The following ARHGAP28 variants were observed in gnomAD, a reference collection of about 807,000 sequenced individuals.
ARHGAP28 encodes the protein Rho GTPase activating protein 28, also known as rho GTPase-activating protein 28.
ARHGAP28 carries 56 observed loss-of-function variants against 90.7 expected under a neutral mutation model. That is an observed-to-expected ratio of 0.62 (90% confidence interval 0.50 to 0.77). The LOEUF is 0.77. ARHGAP28 is among the 30% of genes least tolerant of loss of function. The pLI, the probability that ARHGAP28 is intolerant of heterozygous loss-of-function variation, is 0.00. For synonymous variants in ARHGAP28, 308 were observed against 323.3 expected (o/e 0.95, Z 0.51); for missense variants, 869 against 900.9 (o/e 0.96, Z 0.45).
chr18:6,840,391 C>G (rs1294511481), intron 3 of ARHGAP28, among the ~76,000 whole-genome samples: 5 of 152,228 alleles, frequency 3.3e-5, no homozygotes, highest in Non-Finnish European at 7.3e-5. Flanking sequence ...GAATGCATAA[C>G]TGTTCTCTTC....
At chr18:6,768,895 TCACA>T (rs1567941126) in intron 1 of ARHGAP28, among the ~76,000 whole-genome samples, 5 of 152,144 alleles carry the variant, frequency 3.3e-5, no homozygotes, top group African/African-American at 4.8e-5. Flanking sequence ...CTCTCAGGCA[TCACA>T]TCTTCTGTTG....
chr18:6,751,191 GA>G (rs2143257029), intron 1 of ARHGAP28, among the ~76,000 whole-genome samples: 2 of 152,180 alleles, frequency 1.3e-5, no homozygotes, highest in Non-Finnish European at 2.9e-5. Context: ...AAATTTTTCA[GA>G]GAAGACAATT....
chr18:6,840,924 T>C (rs1317090568), intron 3 of ARHGAP28, among the ~76,000 whole-genome samples: 1 of 152,068 alleles, frequency 6.6e-6, no homozygotes, highest in African/African-American at 2.4e-5. Flanking sequence ...TTTGAAAAAA[T>C]ATTTACAATA....
At chr18:6,801,537 G>T (rs2056481759) in intron 1 of ARHGAP28, among the ~76,000 whole-genome samples, 1 of 152,128 alleles carries the variant, frequency 6.6e-6, no homozygotes, top group Non-Finnish European at 1.5e-5. Flanking sequence ...TATGAAGAAA[G>T]CCTGCTAGGA....
intron 2 of ARHGAP28, among the ~76,000 whole-genome samples, chr18:6,830,893 T>G (rs1408058928): frequency 6.6e-6 from 1 of 152,256 alleles, no homozygotes; most frequent in East Asian, 1.9e-4. Flanking sequence ...TTACAATGAA[T>G]AATGCTGTTA....
At chr18:6,741,170 A>C (rs1401458499) in intron 1 of ARHGAP28, among the ~76,000 whole-genome samples, 4 of 152,362 alleles carry the variant, frequency 2.6e-5, no homozygotes, top group East Asian at 3.8e-4. Context: ...TCTTAAAAAA[A>C]AATTACTGAC....
intron 5 of ARHGAP28, among the ~76,000 whole-genome samples, chr18:6,865,823 C>T (rs1567975163): frequency 6.6e-6 from 1 of 152,112 alleles, no homozygotes; most frequent in East Asian, 1.9e-4. Context: ...GGCAGCAGAG[C>T]AACTTTCAGC....
At chr18:6,806,396 C>G (rs988260598) in intron 1 of ARHGAP28, among the ~76,000 whole-genome samples, 1 of 151,128 alleles carries the variant, frequency 6.6e-6, no homozygotes, top group Admixed American at 6.6e-5. Context: ...AGACATAGCA[C>G]AAGAAAAAGA....
chr18:6,837,353 G>A lies in ARHGAP28; in HGVS notation c.482G>A (p.Arg161Lys). The A allele has an allele frequency of 6.2e-7, 1 of 1,613,830 alleles. No individual in the cohort carries two copies. Among genetic ancestry groups the A allele is most frequent in the Non-Finnish European group, 8.5e-7 (1 of 1,179,992 alleles). ...TACCATACCTATACCCAAACCATGA[G>A]GAAAAAGGATAAGCAATCTATCAGG... ...KRYHTYTQTM[R>K]KKDKQSIRDV... Residue 161 changes from arginine (R) to lysine (K), a missense_variant, in exon 3 of 18, where the codon AGG becomes AAG. Physicochemically the swap from Arg to Lys is conservative, Grantham distance 26. Coordinates refer to ENST00000383472, the MANE Select transcript of ARHGAP28 (RefSeq NM_001366230.1).
chr18:6,740,529 A>G (rs1185157331), intron 1 of ARHGAP28, among the ~76,000 whole-genome samples: 1 of 152,174 alleles, frequency 6.6e-6, no homozygotes, highest in Non-Finnish European at 1.5e-5. Context: ...TGCAGAGGTC[A>G]GAATCATAAT....
At chr18:6,878,540 G>A (rs182792485) in intron 10 of ARHGAP28, among the ~76,000 whole-genome samples, 28 of 152,148 alleles carry the variant, frequency 1.8e-4, no homozygotes, top group East Asian at 5.8e-4. Flanking sequence ...AAAGTTTAAC[G>A]TCATAGCAGC....
chr18:6,794,679 CAATTT>C (rs993852060), intron 1 of ARHGAP28, among the ~76,000 whole-genome samples: 2 of 147,520 alleles, frequency 1.4e-5, no homozygotes, highest in African/African-American at 5.3e-5. Flanking sequence ...ATCACATGAT[CAATTT>C]AATTTTTTTT....
At chr18:6,808,364 GT>G (rs1477841431) in intron 1 of ARHGAP28, among the ~76,000 whole-genome samples, 1 of 151,860 alleles carries the variant, frequency 6.6e-6, no homozygotes, top group Non-Finnish European at 1.5e-5. Context: ...TATTATAGCT[GT>G]TTTAACATTT....
At chr18:6,869,250 A>ATTTTTTTTTTTTTTTTTT (rs2057062449) in intron 6 of ARHGAP28, among the ~76,000 whole-genome samples, 1 of 103,812 alleles carries the variant, frequency 9.6e-6, no homozygotes, top group Non-Finnish European at 2.0e-5. Flanking sequence ...TCCTTTTGCC[A>ATTTTTTTTTTTTTTTTTT]TTCTTTTTTT....
At chr18:6,879,206 A>C (rs1262683046) in intron 10 of ARHGAP28, among the ~76,000 whole-genome samples, 2 of 152,176 alleles carry the variant, frequency 1.3e-5, no homozygotes, top group African/African-American at 4.8e-5. Context: ...CAAAAATGAC[A>C]GAAATTTGAG....
At chr18:6,889,342 C>A (rs1045703107) in intron 12 of ARHGAP28, among the ~76,000 whole-genome samples, 3 of 151,920 alleles carry the variant, frequency 2.0e-5, no homozygotes, top group Admixed American at 6.6e-5. Context: ...AGTTGAAAAG[C>A]AATAGAAAAA....
intron 1 of ARHGAP28, among the ~76,000 whole-genome samples, chr18:6,735,156 C>T (rs994238647): frequency 9.9e-5 from 15 of 152,118 alleles, no homozygotes; most frequent in African/African-American, 3.4e-4. Flanking sequence ...TTTTAACTTT[C>T]TATTTTGATG....
At chr18:6,801,765 C>T (rs1195485354) in intron 1 of ARHGAP28, among the ~76,000 whole-genome samples, 3 of 151,980 alleles carry the variant, frequency 2.0e-5, no homozygotes, top group Non-Finnish European at 4.4e-5. Flanking sequence ...ATTCCAGAAA[C>T]ATTCAAATTA....
At chr18:6,834,718 A>C (rs1453709766) in intron 2 of ARHGAP28, among the ~76,000 whole-genome samples, 1 of 152,186 alleles carries the variant, frequency 6.6e-6, no homozygotes, top group Admixed American at 6.5e-5. Context: ...GGCAGAAGAG[A>C]TAAAGGAAGG....
Sources: allele counts gnomAD v4.1 joint callset (sites outside exome capture counted in the v4.1 genomes callset), GRCh38; gene constraint gnomAD v4.1.1; transcripts MANE v1.5; gene names NCBI Gene and HGNC (gene_info 2026-07-23, HGNC 2026-07-21).